ELOVL4: variants seen among roughly 807,000 people sequenced by gnomAD.
ELOVL4 encodes the protein ELOVL fatty acid elongase 4, also known as very long chain fatty acid elongase 4.
In ELOVL4, 18 loss-of-function variants were observed where a neutral mutation model predicts 42.1. That is an observed-to-expected ratio of 0.43 (90% CI 0.30 to 0.63). ELOVL4 has a LOEUF of 0.63. Among genes scored for constraint, ELOVL4 ranks in the 30% least tolerant of loss-of-function variants. ELOVL4 has a pLI of 0.15. For missense variants in ELOVL4, 299 were observed against 376.2 expected (o/e 0.79, Z 1.70); for synonymous variants, 117 against 127.0 (o/e 0.92, Z 0.53).
rs1037901945 is a variant in ELOVL4, at chr6:79,947,469, C to A, written c.-190G>T. ...GGATGCGGCAGAAGGCAGGGCCAAG[C>A]GGAAGGCGTCGTCAAGGTTCCCGGG... On this transcript the variant is annotated 5_prime_UTR_variant, in exon 1 of 6. Coordinates refer to ENST00000369816, the MANE Select transcript of ELOVL4 (RefSeq NM_022726.4). 4 of 610,150 alleles carry A rather than the reference C, an allele frequency of 6.6e-6. No homozygotes were observed. Among genetic ancestry groups the A allele is most frequent in the Middle Eastern group, 4.4e-4 (1 of 2,276 alleles). 37.8% of individuals were successfully genotyped at this position (610,150 alleles called of 1,614,324 possible). A position where few individuals can be genotyped will look rare whatever the true frequency, so the allele number is the denominator to read the frequency against.
intron 1 of ELOVL4, among the ~76,000 whole-genome samples, chr6:79,944,044 C>T (rs1774695371): frequency 6.6e-6 from 1 of 152,162 alleles, no homozygotes; most frequent in Admixed American, 6.5e-5. Flanking sequence ...AGATACATGG[C>T]CTCACAGGAG....
chr6:79,940,666 A>C (rs891430394), intron 1 of ELOVL4, among the ~76,000 whole-genome samples: 1 of 152,210 alleles, frequency 6.6e-6, no homozygotes, highest in Non-Finnish European at 1.5e-5. Context: ...TAAGCCTTAA[A>C]GGTTATGTAG....
chr6:79,937,819 CTT>C (rs1774572263), intron 1 of ELOVL4, among the ~76,000 whole-genome samples: 1 of 152,152 alleles, frequency 6.6e-6, no homozygotes, highest in African/African-American at 2.4e-5. Flanking sequence ...TAATATCTAA[CTT>C]ATAGAGATGA....
intron 1 of ELOVL4, among the ~76,000 whole-genome samples, chr6:79,928,846 C>A (rs1212215222): frequency 2.0e-5 from 3 of 148,666 alleles, no homozygotes; most frequent in African/African-American, 7.5e-5. Flanking sequence ...CTCAAGTGAT[C>A]CACCTGCCTC....
rs978619635 is a variant in ELOVL4 at position 79,916,751 on chromosome 6, G to A, written c.802C>T (p.Arg268Trp). ...FIFLFLNFYI[R>W]TYKEPKKPKA... The stretch of plus-strand genomic sequence containing the variant: ...GGTTTCTTAGGCTCTTTGTATGTCC[G>A]AATGTAGAAGTTAAGAAAGAGAAAT... Residue 268 changes from arginine to tryptophan, a missense_variant, in exon 6 of 6, where the codon CGG (arginine) becomes TGG (tryptophan). Transcript: ENST00000369816. The A allele has an allele frequency of 5.0e-6, 8 of 1,613,916 alleles. No homozygotes were observed. The highest frequency in any genetic ancestry group is 3.3e-5 in the Admixed American group (2 of 59,980).
intron 1 of ELOVL4, among the ~76,000 whole-genome samples, chr6:79,938,808 T>C (rs1454616314): frequency 2.6e-5 from 4 of 152,192 alleles, no homozygotes; most frequent in African/African-American, 4.8e-5. Context: ...ACTCTGTAGA[T>C]AACAATAAAA....
chr6:79,931,778 A>C lies in ELOVL4; in HGVS notation c.101-5397T>G, dbSNP rs781242259. Among the ~76,000 whole-genome samples, 4 of 152,240 alleles carry C rather than the reference A, an allele frequency of 2.6e-5. No individual in the cohort carries two copies. In the South Asian group the frequency reaches 8.3e-4, roughly 31 times the overall value. On this transcript the variant is annotated intron_variant, in intron 1 of 5. Coordinates refer to ENST00000369816, the MANE Select transcript of ELOVL4 (RefSeq NM_022726.4). ...AATCAGATTTAATCTCCATTTTCAG[A>C]GAGAGGAATTAGAACCAACAGAAGT...
rs188126685 is a variant in ELOVL4, at chr6:79,947,130, G to A, written c.100+50C>T. 1.0e-4 allele frequency: 153 copies of A among 1,477,112 alleles called. No individual in the cohort carries two copies. The African/African-American group carries it at 1.8e-3, about 17-fold the overall frequency. The allele number at this position is 1,477,112 out of a possible 1,614,324, so 91.5% of individuals were successfully genotyped here. A position where few individuals can be genotyped will look rare whatever the true frequency, so the allele number is the denominator to read the frequency against. Reference sequence around the variant, plus strand: ...CCGGGAGCTGCGAGACCAGGGGCCGGTGACCCCCCGCGGGGGACCGAGCGA... The same window carrying A: ...CCGGGAGCTGCGAGACCAGGGGCCGATGACCCCCCGCGGGGGACCGAGCGA... On this transcript the variant is annotated intron_variant, in intron 1 of 5. Coordinates refer to ENST00000369816, the MANE Select transcript of ELOVL4 (RefSeq NM_022726.4).
At chr6:79,931,017 C>T (rs1453595827) in intron 1 of ELOVL4, among the ~76,000 whole-genome samples, 2 of 152,074 alleles carry the variant, frequency 1.3e-5, no homozygotes, top group Non-Finnish European at 2.9e-5. Context: ...CAAACCCTGT[C>T]GCCAAATAGT....
Position 79,947,465 on chromosome 6 carries a change from C to T in ELOVL4, c.-186G>A. On this transcript the variant is annotated 5_prime_UTR_variant, in exon 1 of 6. Coordinates refer to ENST00000369816, the MANE Select transcript of ELOVL4 (RefSeq NM_022726.4). The stretch of plus-strand genomic sequence containing the variant: ...GCGGGGATGCGGCAGAAGGCAGGGC[C>T]AAGCGGAAGGCGTCGTCAAGGTTCC... 2 of 618,108 alleles carry T rather than the reference C, an allele frequency of 3.2e-6. No individual in the cohort carries two copies. The highest frequency in any genetic ancestry group is 5.7e-6 in the Non-Finnish European group (2 of 348,460). 38.3% of individuals were successfully genotyped at this position (618,108 alleles called of 1,614,324 possible). A position where few individuals can be genotyped will look rare whatever the true frequency, so the allele number is the denominator to read the frequency against.
At chr6:79,919,822 T>C (rs1774221887) in intron 4 of ELOVL4, among the ~76,000 whole-genome samples, 1 of 152,178 alleles carries the variant, frequency 6.6e-6, no homozygotes, top group Admixed American at 6.5e-5. Context: ...AATGGAGTAC[T>C]CCAGTGAGCT....
intron 1 of ELOVL4, among the ~76,000 whole-genome samples, chr6:79,936,918 CA>C (rs1423891757): frequency 2.0e-5 from 3 of 152,260 alleles, no homozygotes; most frequent in East Asian, 3.9e-4. Flanking sequence ...GCATGATTAG[CA>C]GGGAAAATTT....
At chr6:79,927,026 T>C (rs1774356025) in intron 1 of ELOVL4, among the ~76,000 whole-genome samples, 2 of 152,184 alleles carry the variant, frequency 1.3e-5, no homozygotes, top group Admixed American at 1.3e-4. Flanking sequence ...ACTTGAATGT[T>C]TTTCTCTAGA....
chr6:79,916,438 CA>C lies in ELOVL4; in HGVS notation c.*169del. On this transcript the variant is annotated 3_prime_UTR_variant, in exon 6 of 6. Coordinates refer to ENST00000369816, the MANE Select transcript of ELOVL4 (RefSeq NM_022726.4). ...TAAAATAAAAACTTCATAAATAAAA[CA>C]TCTGGGTATGGTATTAACACTTTAC... The C allele has an allele frequency of 1.4e-6, 1 of 708,904 alleles. No individual in the cohort carries two copies. The highest frequency in any genetic ancestry group is 2.3e-6 in the Non-Finnish European group (1 of 426,402). The allele number at this position is 708,904 out of a possible 1,614,324, so 43.9% of individuals were successfully genotyped here.
intron 1 of ELOVL4, among the ~76,000 whole-genome samples, chr6:79,943,925 A>G (rs151671): frequency 0.23 from 35,214 of 151,802 alleles, 5,901 homozygotes; most frequent in African/African-American, 0.48. Flanking sequence ...ACCAAAATGC[A>G]GGGTACTATA....
chr6:79,937,674 T>C (rs958996524), intron 1 of ELOVL4, among the ~76,000 whole-genome samples: 1 of 152,212 alleles, frequency 6.6e-6, no homozygotes, highest in Non-Finnish European at 1.5e-5. Flanking sequence ...TGGTATTTAT[T>C]GAATAAATAA....
At chr6:79,923,718 C>T (rs1048112253) in intron 3 of ELOVL4, among the ~76,000 whole-genome samples, 2 of 152,170 alleles carry the variant, frequency 1.3e-5, no homozygotes, top group African/African-American at 4.8e-5. Context: ...AAAGGCAGGG[C>T]TTTTCACCCC....
chr6:79,930,667 A>T (rs879943226), intron 1 of ELOVL4, among the ~76,000 whole-genome samples: 18 of 152,202 alleles, frequency 1.2e-4, no homozygotes, highest in Non-Finnish European at 2.2e-4. Flanking sequence ...AACCAAAAAA[A>T]GGTTGGGGGG....
intron 1 of ELOVL4, among the ~76,000 whole-genome samples, chr6:79,938,089 A>C (rs1233178228): frequency 6.6e-6 from 1 of 152,230 alleles, no homozygotes; most frequent in East Asian, 1.9e-4. Context: ...CCAGTTCATA[A>C]GGGAAAAGGA....
Sources: allele counts gnomAD v4.1 joint callset (sites outside exome capture counted in the v4.1 genomes callset), GRCh38; gene constraint gnomAD v4.1.1; transcripts MANE v1.5; gene names NCBI Gene and HGNC (gene_info 2026-07-23, HGNC 2026-07-21).